The following POLH variants were observed in gnomAD, a reference collection of about 807,000 sequenced individuals.
POLH encodes the protein DNA polymerase eta transcript.
A neutral mutation model predicts 73.6 loss-of-function variants in POLH; 53 were observed. The ratio of observed to expected loss-of-function variants is 0.72; its 90% CI spans 0.58 to 0.91. The LOEUF is 0.91. Ranked by LOEUF, POLH falls within the 40% of genes least tolerant of loss-of-function variation. The probability of loss-of-function intolerance (pLI) is 0.00; values close to 1 mark genes in which losing one functional copy is unlikely to be tolerated. For synonymous variants in POLH, 292 were observed against 308.5 expected, an observed-to-expected ratio of 0.95 and a Z score of 0.56; for missense variants, 768 against 865.4, an observed-to-expected ratio of 0.89 and a Z score of 1.41.
chr6:43,578,498 G>A (rs762793579), intron 1 of POLH: 21 of 386,578 alleles, frequency 5.4e-5, no homozygotes, highest in Admixed American at 2.1e-4. Context: ...GCAGCCTGGC[G>A]GGGGGACAAG....
intron 4 of POLH, among the ~76,000 whole-genome samples, chr6:43,587,769 T>C (rs1764990491): frequency 6.6e-6 from 1 of 152,164 alleles, no homozygotes; most frequent in South Asian, 2.1e-4. Flanking sequence ...TGATTCACGC[T>C]TCTAATCCCA....
At chr6:43,606,505 T>G (rs1767316882) in intron 9 of POLH, among the ~76,000 whole-genome samples, 1 of 152,176 alleles carries the variant, frequency 6.6e-6, no homozygotes, top group Non-Finnish European at 1.5e-5. Context: ...CTTGGCTCAC[T>G]GCAACCTCCA....
intron 9 of POLH, among the ~76,000 whole-genome samples, chr6:43,608,356 A>G (rs975958125): frequency 1.3e-5 from 2 of 152,194 alleles, no homozygotes; most frequent in Non-Finnish European, 2.9e-5. Context: ...GAATAGTCCA[A>G]AACTGCTCGT....
intron 9 of POLH, among the ~76,000 whole-genome samples, chr6:43,606,038 T>G (rs2127807753): frequency 6.6e-6 from 1 of 152,266 alleles, no homozygotes; most frequent in Admixed American, 6.5e-5. Flanking sequence ...GTGGCAGTTT[T>G]AAGCACATTT....
intron 3 of POLH, 85 bp downstream of exon 3, chr6:43,583,226 T>C: frequency 7.9e-7 from 1 of 1,270,050 alleles, no homozygotes; most frequent in Admixed American, 1.8e-5. Flanking sequence ...TTGAATTTGT[T>C]CCATGTAAAT....
chr6:43,614,590 A>G lies in POLH; in HGVS notation c.*33A>G, dbSNP rs1209297629. ...CTCAGGCTTGCCTGTAGGATTTAAT[A>G]TTTTTTATCTTTACAGATCTTTATC... is the stretch of plus-strand genomic sequence containing the variant. On this transcript the variant is annotated 3_prime_UTR_variant, in exon 11 of 11. Coordinates refer to ENST00000372236, the MANE Select transcript of POLH (RefSeq NM_006502.3). 1.3e-6 allele frequency: 2 copies of G among 1,543,768 alleles called. No individual in the cohort carries two copies. The highest frequency in any genetic ancestry group is 1.7e-5 in the Admixed American group (1 of 59,008).
rs758954425 is a variant in POLH, at chr6:43,614,582, G to T, written c.*25G>T. 1 of 1,588,654 alleles carries T rather than the reference G, an allele frequency of 6.3e-7. No homozygotes were observed. The highest frequency in any genetic ancestry group is 2.2e-5 in the East Asian group (1 of 44,770). On this transcript the variant is annotated 3_prime_UTR_variant, in exon 11 of 11. Coordinates refer to ENST00000372236, the MANE Select transcript of POLH (RefSeq NM_006502.3). ...GTGCTGCCCTCAGGCTTGCCTGTAGGATTTAATATTTTTTATCTTTACAGA... is the reference window on the plus strand; with the variant it reads ...GTGCTGCCCTCAGGCTTGCCTGTAGTATTTAATATTTTTTATCTTTACAGA...
Position 43,617,010 on chromosome 6 carries a change from C to T in POLH, c.*2453C>T, listed in dbSNP as rs186745944. ...TTCAAGACAAGCATGGCCAACATGG[C>T]GAAACCCTGTATCTACTAAAAATAC... On this transcript the variant is annotated 3_prime_UTR_variant, in exon 11 of 11. Coordinates refer to ENST00000372236, the MANE Select transcript of POLH (RefSeq NM_006502.3). Among the ~76,000 whole-genome samples, 10 of 151,708 alleles carry T rather than the reference C, an allele frequency of 6.6e-5. No individual in the cohort carries two copies. The East Asian group carries it at 1.6e-3, about 24-fold the overall frequency.
rs571993485 is a variant in POLH at position 43,618,093 on chromosome 6, T to C, written c.*3536T>C. On this transcript the variant is annotated 3_prime_UTR_variant, in exon 11 of 11. Transcript: ENST00000372236. ...TCATCTTTCCCACTGAGTGTAAATA[T>C]TTAGCTTAGGGTTTAAAATTTGTTA... is the stretch of plus-strand genomic sequence containing the variant. 6.6e-5 allele frequency among the ~76,000 whole-genome samples: 10 copies of C among 152,258 alleles called. No homozygotes were observed. The highest frequency in any genetic ancestry group is 3.3e-4 in the Admixed American group (5 of 15,282).
chr6:43,594,407 T>G (rs1765822452), intron 4 of POLH, among the ~76,000 whole-genome samples: 1 of 152,136 alleles, frequency 6.6e-6, no homozygotes, highest in African/African-American at 2.4e-5. Flanking sequence ...CAAGCCACTG[T>G]GCTGAGGAAC....
chr6:43,581,178 G>C (rs1247259648), intron 1 of POLH, among the ~76,000 whole-genome samples: 36 of 149,976 alleles, frequency 2.4e-4, no homozygotes, highest in African/African-American at 8.1e-4. Context: ...CTTCTCAGAC[G>C]GGGCAGCCGG....
intron 9 of POLH, among the ~76,000 whole-genome samples, chr6:43,606,296 C>T (rs1017807661): frequency 6.6e-6 from 1 of 152,004 alleles, no homozygotes; most frequent in African/African-American, 2.4e-5. Flanking sequence ...TTACATCTCC[C>T]CATTTCCTCC....
In POLH at chr6:43,614,210, C is replaced by T. The variant is rs978956753; in HGVS notation, c.1795C>T (p.His599Tyr). 9 of 1,612,448 alleles carry T rather than the reference C, an allele frequency of 5.6e-6. No individual in the cohort carries two copies. Among genetic ancestry groups the T allele is most frequent in the Non-Finnish European group, 7.6e-6 (9 of 1,178,744 alleles). The stretch of plus-strand genomic sequence containing the variant: ...AACTCCTGCAGAGATGGATTTGGCC[C>T]ACAACAGCCAAAGCATGCACGCCTC... Reference protein sequence around the residue: ...KATPAEMDLAHNSQSMHASSA... With the variant: ...KATPAEMDLAYNSQSMHASSA... Residue 599 changes from histidine (H) to tyrosine (Y), a missense_variant, in exon 11 of 11, where the codon CAC becomes TAC. Physicochemically the swap from His to Tyr is moderately conservative, Grantham distance 83 (BLOSUM62 2). Transcript: ENST00000372236.
intron 4 of POLH, among the ~76,000 whole-genome samples, chr6:43,590,266 G>C (rs946287922): frequency 1.3e-5 from 2 of 151,324 alleles, no homozygotes; most frequent in African/African-American, 4.9e-5. Flanking sequence ...GGCTGAAGCA[G>C]AAAATTCCTT....
At chr6:43,605,371 G>A in intron 9 of POLH, 52 bp downstream of exon 9, 1 of 879,600 alleles carries the variant, frequency 1.1e-6, no homozygotes, top group Non-Finnish European at 1.9e-6. Context: ...TTACATATCA[G>A]CTGCTCTTTA....
Position 43,605,263 on chromosome 6 carries a change from T to G in POLH, c.1018T>G (p.Trp340Gly). 1 of 1,575,780 alleles carries G rather than the reference T, an allele frequency of 6.3e-7. No homozygotes were observed. The highest frequency in any genetic ancestry group is 8.7e-7 in the Non-Finnish European group (1 of 1,145,454). ...CTCAATACTTTTTTAGGTACAATGG[T>G]GGCTGTTGCAATTAGCCCAGGAACT... is the stretch of plus-strand genomic sequence containing the variant. ...ALATREQVQW[W>G]LLQLAQELEE... Residue 340 changes from tryptophan (W) to glycine (G), a missense_variant, in exon 9 of 11, where the codon TGG becomes GGG. Coordinates refer to ENST00000372236, the MANE Select transcript of POLH (RefSeq NM_006502.3).
intron 2 of POLH, 60 bp from the exon 3 acceptor site, chr6:43,582,947 A>C: frequency 7.1e-7 from 1 of 1,409,278 alleles, no homozygotes; most frequent in Non-Finnish European, 1.0e-6. Flanking sequence ...GTTAAATGTT[A>C]CTTGTTTTTG....
intron 4 of POLH, among the ~76,000 whole-genome samples, chr6:43,592,707 G>A (rs1239966244): frequency 6.6e-6 from 1 of 152,058 alleles, no homozygotes; most frequent in Non-Finnish European, 1.5e-5. Context: ...CAGCCACTAC[G>A]CCTGGCCTTG....
intron 5 of POLH, among the ~76,000 whole-genome samples, chr6:43,599,158 T>G (rs1766446989): frequency 6.6e-6 from 1 of 151,718 alleles, no homozygotes; most frequent in Non-Finnish European, 1.5e-5. Flanking sequence ...CTGGCTAATT[T>G]TTGTATTTTT....
Sources: gnomAD v4.1 joint callset for allele counts (sites outside exome capture counted in the v4.1 genomes callset) on GRCh38, gnomAD v4.1.1 for gene constraint, MANE v1.5 for transcripts, NCBI Gene and HGNC (gene_info 2026-07-23, HGNC 2026-07-21) for gene names.